Variants in ADAMTS15 observed in about 807,000 individuals in gnomAD.
ADAMTS15 encodes ADAM metallopeptidase with thrombospondin type 1 motif 15.
In ADAMTS15, 35 loss-of-function variants were observed where a neutral mutation model predicts 79.1. The ratio of observed to expected loss-of-function variants is 0.44; its 90% CI spans 0.34 to 0.59. The LOEUF (loss-of-function observed/expected upper bound fraction) is 0.59. Among genes scored for constraint, ADAMTS15 ranks in the 20% least tolerant of loss-of-function variants. ADAMTS15 has a pLI of 0.02. For missense variants in ADAMTS15, 1,324 were observed against 1,318.7 expected, an observed-to-expected ratio of 1.00 and a Z score of -0.06; for synonymous variants, 616 against 567.3, an observed-to-expected ratio of 1.09 and a Z score of -1.22.
rs869166777 is a variant in ADAMTS15 at position 130,470,154 on chromosome 11, GTATATATATATA to G, written c.1720+731_1721-739del. Among the ~76,000 whole-genome samples the G allele has an allele frequency of 1.4e-3, 76 of 55,540 alleles. 5 individuals are homozygous for G. Among genetic ancestry groups the G allele is most frequent in the African/African-American group, 6.3e-3 (65 of 10,288 alleles). 36.4% of individuals were successfully genotyped at this position (55,540 alleles called of 152,430 possible). ...TATACATATATATATATATATATGT[GTATATATATATA>G]TATATATATATATATGTGTGTATAT... is the stretch of plus-strand genomic sequence containing the variant. On this transcript the variant is annotated intron_variant, in intron 5 of 7. Transcript: ENST00000299164.
chr11:130,464,909 C>T (rs1266314514), intron 4 of ADAMTS15, among the ~76,000 whole-genome samples: 2 of 150,422 alleles, frequency 1.3e-5, no homozygotes, highest in Non-Finnish European at 2.9e-5. Flanking sequence ...AGAGGTTGCA[C>T]TGAGCCATGA....
rs200642180 is a variant in ADAMTS15 at position 130,460,277 on chromosome 11, G to GT, written c.958-1196dup. Among the ~76,000 whole-genome samples, 371 of 143,760 alleles carry GT rather than the reference G, an allele frequency of 2.6e-3. 2 individuals carry two copies. Among genetic ancestry groups the GT allele is most frequent in the East Asian group, 7.2e-3 (35 of 4,848 alleles). 94.3% of individuals were successfully genotyped at this position (143,760 alleles called of 152,430 possible). A position where few individuals can be genotyped will look rare whatever the true frequency, so the allele number is the denominator to read the frequency against. On this transcript the variant is annotated intron_variant, in intron 1 of 7. Transcript: ENST00000299164. The stretch of plus-strand genomic sequence containing the variant: ...ATCACTGATTCAACACACATCTTCT[G>GT]TTTTTTTTTTTTTTTTGAGACGGAG...
Position 130,473,373 on chromosome 11 carries a change from A to G in ADAMTS15, c.2405A>G (p.Lys802Arg), listed in dbSNP as rs142273348. The G allele has an allele frequency of 3.7e-5, 59 of 1,612,760 alleles. No individual in the cohort carries two copies. In the African/African-American group the frequency reaches 6.4e-4, roughly 17 times the overall value. Residue 802 changes from lysine to arginine, a missense_variant, in exon 8 of 8, where the codon AAA (lysine) becomes AGA (arginine). Transcript: ENST00000299164. ...GTCCGCTACTCCTTCTATCTGCCCA[A>G]AGAGCCTCGGGAGGACAAGTCCTCT... ...PRVRYSFYLP[K>R]EPREDKSSHP...
chr11:130,459,744 T>G (rs969491028), intron 1 of ADAMTS15, among the ~76,000 whole-genome samples: 1 of 152,210 alleles, frequency 6.6e-6, no homozygotes, highest in Non-Finnish European at 1.5e-5. Flanking sequence ...GTGACTATCA[T>G]CTGACCGTGG....
rs759505700 is a variant in ADAMTS15, at chr11:130,473,070, C to T, written c.2102C>T (p.Ala701Val). 2 of 1,613,576 alleles carry T rather than the reference C, an allele frequency of 1.2e-6. No individual in the cohort carries two copies. The highest frequency in any genetic ancestry group is 8.5e-7 in the Non-Finnish European group (1 of 1,179,808). ...AGGCATGGCTACAATTTCGTGGTGG[C>T]CATCCCCGCAGGCGCCTCAAGCATC... The part of the protein sequence containing the change: ...KPMHGYNFVV[A>V]IPAGASSIDI... The change falls in exon 8 of 8, where the codon GCC becomes GTC. Residue 701 changes from alanine (A) to valine (V), a missense_variant. Coordinates refer to ENST00000299164, the MANE Select transcript of ADAMTS15 (RefSeq NM_139055.4).
intron 1 of ADAMTS15, among the ~76,000 whole-genome samples, chr11:130,459,738 C>T (rs938563590): frequency 2.0e-5 from 3 of 152,208 alleles, no homozygotes; most frequent in Non-Finnish European, 1.5e-5. Context: ...GGAGGTGTGA[C>T]TATCATCTGA....
At position 130,449,026 on chromosome 11, in the gene ADAMTS15, G is replaced by T; in HGVS notation, c.53G>T (p.Gly18Val). Reference protein sequence around the residue: ...TLAFAGRTAGGSEPEREVVVP... With the variant: ...TLAFAGRTAGVSEPEREVVVP... Reference sequence around the variant, plus strand: ...GCTTTCGCCGGGCGAACCGCTGGAGGCTCTGAGCCAGAGCGGGAGGTAGTC... The same window carrying T: ...GCTTTCGCCGGGCGAACCGCTGGAGTCTCTGAGCCAGAGCGGGAGGTAGTC... The change falls in exon 1 of 8, where the codon GGC (glycine) becomes GTC (valine). Residue 18 changes from glycine to valine, a missense_variant. Physicochemically the swap from Gly to Val is moderately radical, Grantham distance 109. Coordinates refer to ENST00000299164, the MANE Select transcript of ADAMTS15 (RefSeq NM_139055.4). The surrounding 1 kb of genome is among the most constrained non-coding windows in gnomAD (Gnocchi z 7.8). 10 of 1,519,472 alleles carry T rather than the reference G, an allele frequency of 6.6e-6. No homozygotes were observed. Among genetic ancestry groups the T allele is most frequent in the Non-Finnish European group, 8.8e-6 (10 of 1,133,306 alleles). The allele number at this position is 1,519,472 out of a possible 1,614,324, so 94.1% of individuals were successfully genotyped here.
intron 4 of ADAMTS15, among the ~76,000 whole-genome samples, chr11:130,467,970 G>A (rs1938337414): frequency 6.6e-6 from 1 of 152,170 alleles, no homozygotes; most frequent in Non-Finnish European, 1.5e-5. Context: ...CATCAAGTCT[G>A]AATTATAGAA....
In ADAMTS15 at chr11:130,470,164, A is replaced by ATATATATGTG. The variant is rs1565397699; in HGVS notation, c.1720+732_1720+733insGTGTATATAT. Among the ~76,000 whole-genome samples, 19 of 58,232 alleles carry ATATATATGTG rather than the reference A, an allele frequency of 3.3e-4. No homozygotes were observed. The East Asian group carries it at 6.0e-3, about 19-fold the overall frequency. 38.2% of individuals were successfully genotyped at this position (58,232 alleles called of 152,430 possible). ...TATATATATATATGTGTATATATATATATATATATATATATATGTGTGTAT... is the reference window on the plus strand; with the variant it reads ...TATATATATATATGTGTATATATATATATATATGTGTATATATATATATATATGTGTGTAT... On this transcript the variant is annotated intron_variant, in intron 5 of 7. Coordinates refer to ENST00000299164, the MANE Select transcript of ADAMTS15 (RefSeq NM_139055.4).
In ADAMTS15 at chr11:130,449,334, G is replaced by C; in HGVS notation, c.361G>C (p.Gly121Arg). ...PDSFAAVSLC[G>R]GLRGAFGYRG... ...CTCGTTCGCTGCTGTGAGCCTGTGCGGGGGGCTCCGCGGAGCCTTTGGCTA... is the reference window on the plus strand; with the variant it reads ...CTCGTTCGCTGCTGTGAGCCTGTGCCGGGGGCTCCGCGGAGCCTTTGGCTA... The change falls in exon 1 of 8, where the codon GGG becomes CGG. Residue 121 changes from glycine (G) to arginine (R), a missense_variant. Physicochemically the swap from Gly to Arg is moderately radical, Grantham distance 125. Transcript: ENST00000299164. This position sits in a 1 kb window ranked among gnomAD's most constrained non-coding sequence, Gnocchi z 7.8. 2 of 1,608,868 alleles carry C rather than the reference G, an allele frequency of 1.2e-6. No individual in the cohort carries two copies. The highest frequency in any genetic ancestry group is 2.2e-5 in the South Asian group (2 of 91,082).
At chr11:130,456,021 G>A (rs1406135172) in intron 1 of ADAMTS15, among the ~76,000 whole-genome samples, 1 of 152,138 alleles carries the variant, frequency 6.6e-6, no homozygotes. Context: ...TGTGCTGCCT[G>A]GACTTCAATC....
intron 1 of ADAMTS15, among the ~76,000 whole-genome samples, chr11:130,460,332 A>G (rs1249650086): frequency 1.3e-5 from 2 of 148,700 alleles, no homozygotes; most frequent in African/African-American, 2.5e-5. Context: ...GCTGGAGTGC[A>G]ATGGTGTGAT....
In ADAMTS15 at chr11:130,449,097, T is replaced by C. The variant is rs1937893249; in HGVS notation, c.124T>C (p.Trp42Arg). 5.7e-6 allele frequency: 9 copies of C among 1,581,820 alleles called. No individual in the cohort carries two copies. The highest frequency in any genetic ancestry group is 7.8e-6 in the Non-Finnish European group (9 of 1,159,306). Reference protein sequence around the residue: ...DPDINGRRYYWRGPEDSGDQG... With the variant: ...DPDINGRRYYRRGPEDSGDQG... ...GGACATTAACGGCCGCCGCTACTACTGGCGGGGTCCCGAGGACTCCGGGGA... is the reference window on the plus strand; with the variant it reads ...GGACATTAACGGCCGCCGCTACTACCGGCGGGGTCCCGAGGACTCCGGGGA... The change falls in exon 1 of 8, where the codon TGG (tryptophan) becomes CGG (arginine). Residue 42 changes from tryptophan to arginine, a missense_variant. Coordinates refer to ENST00000299164, the MANE Select transcript of ADAMTS15 (RefSeq NM_139055.4). The surrounding 1 kb of genome is among the most constrained non-coding windows in gnomAD (Gnocchi z 7.8).
Position 130,473,923 on chromosome 11 carries a change from C to T in ADAMTS15, c.*102C>T, listed in dbSNP as rs1056119866. On this transcript the variant is annotated 3_prime_UTR_variant, in exon 8 of 8. Coordinates refer to ENST00000299164, the MANE Select transcript of ADAMTS15 (RefSeq NM_139055.4). ...GAGGACGGTGGCCAGGGGCTCACGC[C>T]ACGATGTCACCCACATCCGGGGACA... 35 of 1,404,838 alleles carry T rather than the reference C, an allele frequency of 2.5e-5. No individual in the cohort carries two copies. Among genetic ancestry groups the T allele is most frequent in the Admixed American group, 1.0e-4 (4 of 39,310 alleles). 87.0% of individuals were successfully genotyped at this position (1,404,838 alleles called of 1,614,324 possible).
Position 130,448,950 on chromosome 11 carries a change from C to T in ADAMTS15, c.-24C>T. 4 of 1,475,988 alleles carry T rather than the reference C, an allele frequency of 2.7e-6. No individual in the cohort carries two copies. The South Asian group carries it at 4.5e-5, about 17-fold the overall frequency. 91.4% of individuals were successfully genotyped at this position (1,475,988 alleles called of 1,614,324 possible). On this transcript the variant is annotated 5_prime_UTR_variant, in exon 1 of 8. Coordinates refer to ENST00000299164, the MANE Select transcript of ADAMTS15 (RefSeq NM_139055.4). ...AGCCCGGCCCAGCCCCTTCCCACAG[C>T]GCGGCGGTGCGCTGCCCGGCGCCAT...
intron 1 of ADAMTS15, among the ~76,000 whole-genome samples, chr11:130,451,421 C>A (rs1937958318): frequency 6.6e-6 from 1 of 152,182 alleles, no homozygotes. Context: ...GGTCTTTGGC[C>A]TGAGTCTGTT....
At chr11:130,464,104 G>C (rs756574990) in intron 4 of ADAMTS15, among the ~76,000 whole-genome samples, 1 of 152,170 alleles carries the variant, frequency 6.6e-6, no homozygotes, top group Non-Finnish European at 1.5e-5. Flanking sequence ...TCTTCAGGAA[G>C]GTCATTTGGG....
In ADAMTS15 at chr11:130,462,014, C is replaced by G; in HGVS notation, c.1091-73C>G. 34 of 1,274,122 alleles carry G rather than the reference C, an allele frequency of 2.7e-5. No individual in the cohort carries two copies. The highest frequency in any genetic ancestry group is 1.9e-4 in the Middle Eastern group (1 of 5,180). The allele number at this position is 1,274,122 out of a possible 1,614,324, so 78.9% of individuals were successfully genotyped here. On this transcript the variant is annotated intron_variant, in intron 2 of 7. Transcript: ENST00000299164. The surrounding 1 kb of genome is among the most constrained non-coding windows in gnomAD (Gnocchi z 4.3). ...ACCTCTGACATGGGCTTTCTAGTTCCCCTGCCCCATTCCTCCCTCCAACCC... is the reference window on the plus strand; with the variant it reads ...ACCTCTGACATGGGCTTTCTAGTTCGCCTGCCCCATTCCTCCCTCCAACCC...
Position 130,470,192 on chromosome 11 carries a change from A to G in ADAMTS15, c.1721-728A>G, listed in dbSNP as rs868621443. ...TATATATATATATATGTGTGTATAT[A>G]TATATATATATATATATGTATATAT... On this transcript the variant is annotated intron_variant, in intron 5 of 7. Transcript: ENST00000299164. 1.1e-3 allele frequency among the ~76,000 whole-genome samples: 58 copies of G among 51,982 alleles called. 4 individuals carry two copies. The highest frequency in any genetic ancestry group is 1.2e-3 in the Non-Finnish European group (30 of 25,960). 34.1% of individuals were successfully genotyped at this position (51,982 alleles called of 152,430 possible). A position where few individuals can be genotyped will look rare whatever the true frequency, so the allele number is the denominator to read the frequency against.
Sources: allele counts gnomAD v4.1 joint callset (sites outside exome capture counted in the v4.1 genomes callset), GRCh38; gene constraint gnomAD v4.1.1; non-coding constraint Gnocchi (gnomAD v3.1); transcripts MANE v1.5; gene names NCBI Gene and HGNC (gene_info 2026-07-23, HGNC 2026-07-21).